TPM3: variants seen among roughly 807,000 people sequenced by gnomAD.
TPM3 encodes the protein tropomyosin 3, also known as tropomyosin alpha-3 chain.
Under a neutral mutation model 43.1 loss-of-function variants are expected in TPM3, and 16 were observed. The observed-to-expected ratio is 0.37, with a 90% confidence interval of 0.25 to 0.56. The LOEUF is 0.56. TPM3 is among the 20% of genes least tolerant of loss of function. The pLI, the probability that TPM3 is intolerant of heterozygous loss-of-function variation, is 0.77. For missense variants in TPM3, 176 were observed against 337.2 expected (o/e 0.52, Z 3.74); for synonymous variants, 101 against 116.9 (o/e 0.86, Z 0.88).
intron 2 of TPM3, among the ~76,000 whole-genome samples, chr1:154,176,653 G>GTAA (rs1662353879): frequency 1.6e-5 from 2 of 129,028 alleles, no homozygotes; most frequent in African/African-American, 2.8e-5. Context: ...CATAAAGCAG[G>GTAA]AAAAAAAAAA....
downstream of TPM3, among the ~76,000 whole-genome samples, chr1:154,160,985 C>G (rs189158152): frequency 8.5e-5 from 13 of 152,102 alleles, no homozygotes; most frequent in African/African-American, 1.9e-4. Context: ...TCATAGTGCA[C>G]AACAGCCCTG....
chr1:154,187,973 G>A (rs1167829720), intron 2 of TPM3, among the ~76,000 whole-genome samples: 1 of 151,576 alleles, frequency 6.6e-6, no homozygotes, highest in Admixed American at 6.6e-5. Context: ...CTTGCCCAAA[G>A]CCCAGGGGTA....
chr1:154,183,527 C>G (rs1471518283), intron 2 of TPM3: 1 of 376,452 alleles, frequency 2.7e-6, no homozygotes, highest in African/African-American at 2.1e-5. Flanking sequence ...TGACCCCTCA[C>G]TCCCGCAATG....
At chr1:154,173,866 G>A (rs1263061521) in intron 3 of TPM3, among the ~76,000 whole-genome samples, 4 of 151,808 alleles carry the variant, frequency 2.6e-5, no homozygotes, top group Non-Finnish European at 5.9e-5. Context: ...GCAAGCACCT[G>A]TAATCCCATC....
rs1558041648 is a variant in TPM3 at position 154,170,437 on chromosome 1, C to T, written c.738G>A (p.Ser246=). The T allele has an allele frequency of 5.6e-6, 9 of 1,614,118 alleles. No individual in the cohort carries two copies. Among genetic ancestry groups the T allele is most frequent in the Middle Eastern group, 3.3e-4 (2 of 6,062 alleles). ...CAATTGTCTTTTCCAGCTTGGCTAC[C>T]GATCTCTCAGCAAACTCAGCACGGG... ...AETRAEFAER[S]VAKLEKTIDD... is the part of the protein sequence containing the mutation. The change falls in exon 8 of 10, where the codon TCG becomes TCA. Residue 246 remains serine, a synonymous_variant. Coordinates refer to ENST00000651641, the MANE Select transcript of TPM3 (RefSeq NM_152263.4).
downstream of TPM3, chr1:154,157,537 G>C: frequency 1.3e-6 from 1 of 765,376 alleles, no homozygotes; most frequent in South Asian, 1.3e-5. Flanking sequence ...CAGCCTTCCA[G>C]TTAAAGATCA....
chr1:154,158,442 T>G (rs186874559), downstream of TPM3, among the ~76,000 whole-genome samples: 142 of 152,258 alleles, frequency 9.3e-4, no homozygotes, highest in African/African-American at 2.8e-3. Context: ...AGCAAACCAC[T>G]CTGACTGCTC....
chr1:154,178,734 T>C (rs1030740151), intron 2 of TPM3, among the ~76,000 whole-genome samples: 3 of 152,234 alleles, frequency 2.0e-5, no homozygotes, highest in African/African-American at 7.2e-5. Context: ...GGTTTTAGCA[T>C]GCCCATCCAG....
chr1:154,176,713 C>T (rs1301516230), intron 2 of TPM3, among the ~76,000 whole-genome samples: 1 of 149,550 alleles, frequency 6.7e-6, no homozygotes, highest in Non-Finnish European at 1.5e-5. Flanking sequence ...GGTGTGGTGG[C>T]TCATGCCTGT....
At position 154,163,537 on chromosome 1, in the gene TPM3, A is replaced by G. The variant is rs1319209366; in HGVS notation, c.*4400T>C. ...GCCTCTCTGTTGAAAAACCACTAGA[A>G]AGCATCCAACCCGGAACTTTTTAAA... On this transcript the variant is annotated 3_prime_UTR_variant, in exon 10 of 10. Transcript: ENST00000651641. 1.3e-5 allele frequency among the ~76,000 whole-genome samples: 2 copies of G among 152,040 alleles called. No homozygotes were observed. The highest frequency in any genetic ancestry group is 4.8e-5 in the African/African-American group (2 of 41,396).
chr1:154,191,616 C>T, intron 1 of TPM3: 2 of 1,409,582 alleles, frequency 1.4e-6, no homozygotes, highest in Non-Finnish European at 1.8e-6. Flanking sequence ...CTCTTTCCCT[C>T]TAGAACTCTT....
intron 5 of TPM3, chr1:154,171,770 G>A (rs1258371835): frequency 1.3e-5 from 8 of 620,826 alleles, no homozygotes; most frequent in Non-Finnish European, 2.0e-5. Context: ...GCTACCTGGG[G>A]TGGAGGTGGG....
chr1:154,178,430 C>G (rs1266241738), intron 2 of TPM3, among the ~76,000 whole-genome samples: 4 of 152,292 alleles, frequency 2.6e-5, no homozygotes, highest in East Asian at 3.9e-4. Flanking sequence ...TCAGAGACCC[C>G]CTCCAGGGTG....
At position 154,168,074 on chromosome 1, in the gene TPM3, T is replaced by C. The variant is rs1661177381; in HGVS notation, c.855-134A>G. On this transcript the variant is annotated intron_variant, in intron 9 of 9. Coordinates refer to ENST00000651641, the MANE Select transcript of TPM3 (RefSeq NM_152263.4). ...TAAAAGAGAGCCAGACACTTCAGCCTGAGAAATGTGGCTTCTTTTCAGGGT... is the reference window on the plus strand; with the variant it reads ...TAAAAGAGAGCCAGACACTTCAGCCCGAGAAATGTGGCTTCTTTTCAGGGT... 7 of 1,295,976 alleles carry C rather than the reference T, an allele frequency of 5.4e-6. No individual in the cohort carries two copies. The South Asian group carries it at 7.6e-5, about 14-fold the overall frequency. 80.3% of individuals were successfully genotyped at this position (1,295,976 alleles called of 1,614,324 possible). A position where few individuals can be genotyped will look rare whatever the true frequency, so the allele number is the denominator to read the frequency against.
At chr1:154,176,646 A>T (rs1019463435) in intron 2 of TPM3, among the ~76,000 whole-genome samples, 4 of 129,018 alleles carry the variant, frequency 3.1e-5, no homozygotes, top group African/African-American at 1.3e-4. Flanking sequence ...AGTGTCTCAT[A>T]AAGCAGGAAA....
chr1:154,175,935 G>A (rs1421793729), intron 3 of TPM3, among the ~76,000 whole-genome samples, 180 bp downstream of exon 3: 1 of 152,188 alleles, frequency 6.6e-6, no homozygotes, highest in African/African-American at 2.4e-5. Context: ...GCTCACTGTA[G>A]CCCCAACTTC....
rs1663703602 is a variant in TPM3 at position 154,192,047 on chromosome 1, T to A, written c.-29A>T. 3 of 1,590,388 alleles carry A rather than the reference T, an allele frequency of 1.9e-6. No homozygotes were observed. Among genetic ancestry groups the A allele is most frequent in the Admixed American group, 1.7e-5 (1 of 59,958 alleles). On this transcript the variant is annotated 5_prime_UTR_variant, in exon 1 of 10. Transcript: ENST00000651641. ...CAGTGGCTGTTGGTAGGCTCACCTG[T>A]GAACACTGGAGAACTGGAGACTGGG...
Position 154,171,288 on chromosome 1 carries a change from G to C in TPM3, c.642+125C>G. 1.0e-5 allele frequency: 10 copies of C among 967,694 alleles called. 1 individual carries two copies. The highest frequency in any genetic ancestry group is 4.8e-5 in the African/African-American group (3 of 62,414). 59.9% of individuals were successfully genotyped at this position (967,694 alleles called of 1,614,324 possible). A position where few individuals can be genotyped will look rare whatever the true frequency, so the allele number is the denominator to read the frequency against. On this transcript the variant is annotated intron_variant, in intron 6 of 9. Coordinates refer to ENST00000651641, the MANE Select transcript of TPM3 (RefSeq NM_152263.4). ...ATTAAACCCAGAACCTGAATACATG[G>C]TAAGGAGGTAGGAAGAGGACACGCC...
rs1663173132 is a variant in TPM3, at chr1:154,183,179, C to T, written c.244-6931G>A. ...CTGCCTCCTCCGCTCGGCGTTGCAGCCTCCTCTCACCCTTACTTCCGCCTG... is the reference window on the plus strand; with the variant it reads ...CTGCCTCCTCCGCTCGGCGTTGCAGTCTCCTCTCACCCTTACTTCCGCCTG... On this transcript the variant is annotated intron_variant, in intron 2 of 9. Transcript: ENST00000651641. 1.9e-6 allele frequency: 3 copies of T among 1,595,248 alleles called. No homozygotes were observed. The South Asian group carries it at 3.3e-5, about 18-fold the overall frequency.
Sources: allele counts gnomAD v4.1 joint callset (sites outside exome capture counted in the v4.1 genomes callset), GRCh38; gene constraint gnomAD v4.1.1; transcripts MANE v1.5; gene names NCBI Gene and HGNC (gene_info 2026-07-23, HGNC 2026-07-21).